Variants in SHC4 observed in about 807,000 individuals in gnomAD.
SHC4 encodes SHC-transforming protein 4.
SHC4 carries 41 observed loss-of-function variants against 69.4 expected under a neutral mutation model. That is an observed-to-expected ratio of 0.59 (90% confidence interval 0.46 to 0.77). The LOEUF (loss-of-function observed/expected upper bound fraction) is 0.77, where lower values mean the gene tolerates loss of function less well. SHC4 is among the 30% of genes least tolerant of loss of function. The probability of loss-of-function intolerance (pLI) is 0.00; values close to 1 mark genes in which losing one functional copy is unlikely to be tolerated. For missense variants in SHC4, 777 were observed against 783.8 expected, an observed-to-expected ratio of 0.99 and a Z score of 0.10; for synonymous variants, 318 against 299.3, an observed-to-expected ratio of 1.06 and a Z score of -0.64.
At chr15:48,869,345 T>C (rs1215501719) in intron 5 of SHC4, among the ~76,000 whole-genome samples, 2 of 152,284 alleles carry the variant, frequency 1.3e-5, no homozygotes, top group South Asian at 2.1e-4. Flanking sequence ...TTCATTATTT[T>C]TGAAATTTTG....
intron 2 of SHC4, among the ~76,000 whole-genome samples, chr15:48,893,393 A>T (rs1001000205): frequency 2.0e-5 from 3 of 152,194 alleles, no homozygotes; most frequent in Admixed American, 1.3e-4. Context: ...AATATTTCAG[A>T]CTTTGCTCTT....
In SHC4 at chr15:48,825,039, T is replaced by C. The variant is rs1898659498; in HGVS notation, c.*932A>G. 6.6e-6 allele frequency: 1 copy of C among 152,640 alleles called. No homozygotes were observed. The highest frequency in any genetic ancestry group is 2.4e-5 in the African/African-American group (1 of 41,458). The allele number at this position is 152,640 out of a possible 1,614,324, so 9.5% of individuals were successfully genotyped here. Reference sequence around the variant, plus strand: ...AGCCAATCAAGAAGAAATTTTACTATAATTTCAAATAGATTCTGTACTTTT... The same window carrying C: ...AGCCAATCAAGAAGAAATTTTACTACAATTTCAAATAGATTCTGTACTTTT... On this transcript the variant is annotated 3_prime_UTR_variant, in exon 12 of 12. Coordinates refer to ENST00000332408, the MANE Select transcript of SHC4 (RefSeq NM_203349.4).
intron 1 of SHC4, among the ~76,000 whole-genome samples, chr15:48,948,281 T>C (rs1372554855): frequency 6.6e-6 from 1 of 152,250 alleles, no homozygotes; most frequent in African/African-American, 2.4e-5. Context: ...AACAATTGAA[T>C]GTAAAATGGG....
At chr15:48,892,162 C>A (rs1391453395) in intron 2 of SHC4, among the ~76,000 whole-genome samples, 1 of 152,062 alleles carries the variant, frequency 6.6e-6, no homozygotes, top group East Asian at 1.9e-4. Flanking sequence ...GCCATGCAGA[C>A]CCATTTTTAA....
At chr15:48,873,897 A>T (rs904176804) in intron 4 of SHC4, among the ~76,000 whole-genome samples, 2 of 152,214 alleles carry the variant, frequency 1.3e-5, no homozygotes, top group Admixed American at 1.3e-4. Flanking sequence ...AAGTAGAAAG[A>T]TATATATCAC....
At chr15:48,878,430 C>G in intron 4 of SHC4, 1 of 1,612,660 alleles carries the variant, frequency 6.2e-7, no homozygotes, top group South Asian at 1.1e-5. Flanking sequence ...GGGGAGCAGC[C>G]AGGCCAGGTG....
chr15:48,836,540 CTTTG>C (rs772450411), intron 10 of SHC4, among the ~76,000 whole-genome samples: 68 of 152,068 alleles, frequency 4.5e-4, no homozygotes, highest in Non-Finnish European at 8.5e-4. Flanking sequence ...AGAAACTAGA[CTTTG>C]TTTCTTTTTT....
At chr15:48,921,415 A>G (rs1264542209) in intron 2 of SHC4, among the ~76,000 whole-genome samples, 2 of 151,348 alleles carry the variant, frequency 1.3e-5, no homozygotes, top group South Asian at 2.1e-4. Flanking sequence ...GCTCACTGCA[A>G]CCTCCGCCTC....
intron 1 of SHC4, among the ~76,000 whole-genome samples, chr15:48,949,867 T>C (rs949152366): frequency 1.8e-4 from 26 of 145,334 alleles, no homozygotes; most frequent in Non-Finnish European, 3.6e-4. Context: ...ATTAGTATAT[T>C]AATAATTTTA....
chr15:48,912,207 T>G (rs963647208), intron 2 of SHC4, among the ~76,000 whole-genome samples: 1 of 152,172 alleles, frequency 6.6e-6, no homozygotes, highest in Non-Finnish European at 1.5e-5. Context: ...CTCTTCTTCC[T>G]CAGGAACACC....
chr15:48,829,133 T>C (rs1017464003), intron 11 of SHC4, among the ~76,000 whole-genome samples: 1 of 152,220 alleles, frequency 6.6e-6, no homozygotes, highest in African/African-American at 2.4e-5. Flanking sequence ...CTTAAATTTG[T>C]CAAGACTTGT....
chr15:48,867,752 T>C lies in SHC4; in HGVS notation c.946+66A>G, dbSNP rs1022074248. 51 of 1,305,814 alleles carry C rather than the reference T, an allele frequency of 3.9e-5. No homozygotes were observed. In the Admixed American group the frequency reaches 7.3e-4, roughly 19 times the overall value. The allele number at this position is 1,305,814 out of a possible 1,614,324, so 80.9% of individuals were successfully genotyped here. Reference sequence around the variant, plus strand: ...CATCACTCTGTACATTGAAAATAACTGTTGGTTACTTTTTAGAGTTGGTAT... The same window carrying C: ...CATCACTCTGTACATTGAAAATAACCGTTGGTTACTTTTTAGAGTTGGTAT... On this transcript the variant is annotated intron_variant, in intron 6 of 11. Coordinates refer to ENST00000332408, the MANE Select transcript of SHC4 (RefSeq NM_203349.4).
chr15:48,938,473 G>A (rs1323342459), intron 1 of SHC4: 2 of 151,924 alleles, frequency 1.3e-5, no homozygotes, highest in African/African-American at 2.4e-5. Context: ...CTTTTGTATT[G>A]TGGGAGTCAT....
chr15:48,879,280 G>A (rs1899892800), intron 4 of SHC4: 1 of 167,876 alleles, frequency 6.0e-6, no homozygotes, highest in Admixed American at 6.5e-5. Context: ...ATAAATGGAT[G>A]AGTAAACTCA....
intron 2 of SHC4, among the ~76,000 whole-genome samples, chr15:48,910,257 G>A (rs986793100): frequency 6.6e-6 from 1 of 151,784 alleles, no homozygotes; most frequent in African/African-American, 2.4e-5. Flanking sequence ...TGGTCTGTTC[G>A]GGGTATCTAA....
chr15:48,844,503 T>C (rs1343004998), intron 9 of SHC4, among the ~76,000 whole-genome samples: 1 of 152,142 alleles, frequency 6.6e-6, no homozygotes, highest in Non-Finnish European at 1.5e-5. Flanking sequence ...CTTCACTCCT[T>C]TTCTCCATCA....
intron 1 of SHC4, among the ~76,000 whole-genome samples, chr15:48,927,397 C>A (rs1900873298): frequency 6.6e-6 from 1 of 152,156 alleles, no homozygotes; most frequent in African/African-American, 2.4e-5. Flanking sequence ...TCATCTTTCC[C>A]TTTAGCTGTA....
chr15:48,917,116 G>T (rs1304069311), intron 2 of SHC4, among the ~76,000 whole-genome samples: 1 of 152,092 alleles, frequency 6.6e-6, no homozygotes, highest in Admixed American at 6.5e-5. Flanking sequence ...TTTGATGCAG[G>T]TTCCCACCTA....
In SHC4 at chr15:48,869,224, G is replaced by A. The variant is rs57054672; in HGVS notation, c.895-1355C>T. ...TTTTTAAGTGGAGAAAGTATATATA[G>A]TTATAGAGGCATTACCAACAACTGT... On this transcript the variant is annotated intron_variant, in intron 5 of 11. Transcript: ENST00000332408. 2.5e-3 allele frequency among the ~76,000 whole-genome samples: 383 copies of A among 152,278 alleles called. 1 individual carries two copies. The highest frequency in any genetic ancestry group is 8.9e-3 in the African/African-American group (368 of 41,558).
Sources: allele counts gnomAD v4.1 joint callset (sites outside exome capture counted in the v4.1 genomes callset), GRCh38; gene constraint gnomAD v4.1.1; transcripts MANE v1.5; gene names NCBI Gene and HGNC (gene_info 2026-07-23, HGNC 2026-07-21).